CSMD1: variants seen among roughly 807,000 people sequenced by gnomAD.
CSMD1 encodes the protein CUB and sushi domain-containing protein 1.
CSMD1 carries 213 observed loss-of-function variants against 417.5 expected under a neutral mutation model. The ratio of observed to expected loss-of-function variants is 0.51; its 90% confidence interval spans 0.46 to 0.57. CSMD1 has a LOEUF of 0.57. Among genes scored for constraint, CSMD1 ranks in the 20% least tolerant of loss-of-function variants. The pLI is 0.00. For missense variants in CSMD1, 6,923 were observed against 4,529.7 expected (o/e 1.53, Z -15.17); for synonymous variants, 2,862 against 1,736.8 (o/e 1.65, Z -16.11).
At chr8:4,540,102 T>A (rs1797305013) in intron 2 of CSMD1, among the ~76,000 whole-genome samples, 2 of 152,140 alleles carry the variant, frequency 1.3e-5, no homozygotes, top group Non-Finnish European at 2.9e-5. Flanking sequence ...TGACACCATA[T>A]ATAAGCCCTA....
At chr8:3,282,820 C>G (rs907037323) in intron 26 of CSMD1, among the ~76,000 whole-genome samples, 1 of 152,126 alleles carries the variant, frequency 6.6e-6, no homozygotes, top group Admixed American at 6.6e-5. Context: ...TTAAACTGAC[C>G]TAACTCAATT....
chr8:3,836,529 C>T (rs558289852), intron 5 of CSMD1, among the ~76,000 whole-genome samples: 1 of 152,088 alleles, frequency 6.6e-6, no homozygotes, highest in Admixed American at 6.6e-5. Flanking sequence ...CCCTTTAGAG[C>T]AAGAACTAGG....
intron 1 of CSMD1, among the ~76,000 whole-genome samples, chr8:4,929,591 C>A (rs1206507729): frequency 6.6e-6 from 1 of 152,176 alleles, no homozygotes; most frequent in African/African-American, 2.4e-5. Flanking sequence ...TGTGTTCAGT[C>A]CATTTGTCTA....
intron 57 of CSMD1, among the ~76,000 whole-genome samples, chr8:2,968,224 T>A (rs1294249189): frequency 2.0e-5 from 3 of 152,248 alleles, no homozygotes. Flanking sequence ...ATTCCTCACT[T>A]ACTGTGCAAC....
chr8:3,886,990 G>A (rs1019648996), intron 5 of CSMD1, among the ~76,000 whole-genome samples: 5 of 152,132 alleles, frequency 3.3e-5, no homozygotes, highest in African/African-American at 1.2e-4. Context: ...ACTTAGAGAA[G>A]CATTGATCAC....
intron 3 of CSMD1, among the ~76,000 whole-genome samples, chr8:4,065,882 A>C (rs1165421941): frequency 2.0e-5 from 3 of 152,222 alleles, no homozygotes; most frequent in African/African-American, 7.2e-5. Flanking sequence ...GTCTTCCATA[A>C]GAAAGACTGC....
rs555607382 is a variant in CSMD1 at position 3,937,656 on chromosome 8, C to T, written c.818+60247G>A. Among the ~76,000 whole-genome samples the T allele has an allele frequency of 7.2e-5, 11 of 152,278 alleles. No individual in the cohort carries two copies. In the East Asian group the frequency reaches 2.1e-3, roughly 29 times the overall value. Reference sequence around the variant, plus strand: ...TTGCAGTCATCTGAAGCCAAACTTGCAATATCTCTGAAGTACGGCTGCATA... The same window carrying T: ...TTGCAGTCATCTGAAGCCAAACTTGTAATATCTCTGAAGTACGGCTGCATA... On this transcript the variant is annotated intron_variant, in intron 5 of 69. Coordinates refer to ENST00000635120, the MANE Select transcript of CSMD1 (RefSeq NM_033225.6).
chr8:3,577,781 A>G (rs926753845), intron 9 of CSMD1, among the ~76,000 whole-genome samples: 3 of 152,078 alleles, frequency 2.0e-5, no homozygotes, highest in Admixed American at 6.5e-5. Flanking sequence ...CTTCTTTACC[A>G]TCTGATGATG....
chr8:4,264,518 C>G (rs1264424433), intron 3 of CSMD1, among the ~76,000 whole-genome samples: 3 of 152,260 alleles, frequency 2.0e-5, no homozygotes, highest in East Asian at 3.9e-4. Context: ...CCCCCTGAAG[C>G]TGAGAAGCTC....
In CSMD1 at chr8:2,966,626, A is replaced by G. The variant is rs530199108; in HGVS notation, c.9044T>C (p.Met3015Thr). 5.3e-5 allele frequency: 85 copies of G among 1,613,764 alleles called. No homozygotes were observed. The highest frequency in any genetic ancestry group is 4.9e-4 in the Middle Eastern group (3 of 6,062). ...CWEGYKTSGLMTRHCTANGTW... is the reference protein window; with the variant it reads ...CWEGYKTSGLTTRHCTANGTW... The stretch of plus-strand genomic sequence containing the variant: ...CCCATTGGCTGTGCAATGCCGTGTC[A>G]TGAGCCCTGAGGTCTTGTAGCCTTC... The change falls in exon 58 of 70, where the codon ATG becomes ACG. Residue 3015 changes from methionine to threonine, a missense_variant. Coordinates refer to ENST00000635120, the MANE Select transcript of CSMD1 (RefSeq NM_033225.6).
intron 3 of CSMD1, among the ~76,000 whole-genome samples, chr8:4,146,778 AT>A (rs1804162672): frequency 6.7e-6 from 1 of 148,520 alleles, no homozygotes. Flanking sequence ...GACTCGACTA[AT>A]TTTTTGTATT....
intron 3 of CSMD1, among the ~76,000 whole-genome samples, chr8:4,218,021 A>G (rs1011784171): frequency 3.3e-5 from 5 of 152,174 alleles, no homozygotes; most frequent in South Asian, 2.1e-4. Context: ...AAGAAAACCT[A>G]TGCTTTACTG....
intron 10 of CSMD1, among the ~76,000 whole-genome samples, chr8:3,551,242 A>G (rs1400896266): frequency 6.6e-6 from 1 of 152,240 alleles, no homozygotes; most frequent in African/African-American, 2.4e-5. Flanking sequence ...TAAATTTCTC[A>G]AGAAATATTA....
intron 5 of CSMD1, among the ~76,000 whole-genome samples, chr8:3,875,259 G>A (rs768174048): frequency 1.1e-4 from 16 of 152,134 alleles, no homozygotes; most frequent in African/African-American, 3.9e-4. Flanking sequence ...CCATAGCTGA[G>A]AAGAAGGATA....
At chr8:4,252,890 G>T (rs1223678969) in intron 3 of CSMD1, among the ~76,000 whole-genome samples, 1 of 152,192 alleles carries the variant, frequency 6.6e-6, no homozygotes, top group African/African-American at 2.4e-5. Flanking sequence ...AATTTCAGGT[G>T]CCTTGTTCAT....
chr8:4,808,123 C>A (rs969271355), intron 1 of CSMD1, among the ~76,000 whole-genome samples: 3 of 152,118 alleles, frequency 2.0e-5, no homozygotes, highest in Non-Finnish European at 2.9e-5. Flanking sequence ...CTGGGTGCTA[C>A]ACAAAAGAGG....
At chr8:3,066,447 A>G (rs7013027) in intron 49 of CSMD1, among the ~76,000 whole-genome samples, 72,513 of 152,046 alleles carry the variant, frequency 0.48, 17,753 homozygotes, top group Non-Finnish European at 0.52. Flanking sequence ...ATTTGAACAG[A>G]CCCTGCAGCC....
intron 2 of CSMD1, among the ~76,000 whole-genome samples, chr8:4,601,749 A>C (rs1800596657): frequency 6.6e-6 from 1 of 152,186 alleles, no homozygotes; most frequent in Non-Finnish European, 1.5e-5. Context: ...TAGCTGGAGA[A>C]AAATATATTT....
chr8:4,376,775 A>G (rs1177744053), intron 3 of CSMD1, among the ~76,000 whole-genome samples: 8 of 152,224 alleles, frequency 5.3e-5, no homozygotes, highest in Non-Finnish European at 7.3e-5. Flanking sequence ...CCTGTTTGAT[A>G]ACCAACTCTA....
Sources: gnomAD v4.1 joint callset for allele counts (sites outside exome capture counted in the v4.1 genomes callset) on GRCh38, gnomAD v4.1.1 for gene constraint, MANE v1.5 for transcripts, NCBI Gene and HGNC (gene_info 2026-07-23, HGNC 2026-07-21) for gene names.